Variants in LRRC49 observed in about 807,000 individuals in gnomAD.
The protein encoded by LRRC49 is leucine-rich repeat-containing protein 49.
A neutral mutation model predicts 83.3 loss-of-function variants in LRRC49; 50 were observed. The ratio of observed to expected loss-of-function variants is 0.60; its 90% CI spans 0.48 to 0.76. The LOEUF (loss-of-function observed/expected upper bound fraction) is 0.76, where lower values mean the gene tolerates loss of function less well. LRRC49 is among the 30% of genes least tolerant of loss of function. The probability of loss-of-function intolerance (pLI) is 0.00; values close to 1 mark genes in which losing one functional copy is unlikely to be tolerated. For synonymous variants in LRRC49, 286 were observed against 283.3 expected, an observed-to-expected ratio of 1.01 and a Z score of -0.10; for missense variants, 704 against 809.1, an observed-to-expected ratio of 0.87 and a Z score of 1.58.
intron 14 of LRRC49, among the ~76,000 whole-genome samples, chr15:71,036,186 GTTGT>G (rs546902773): frequency 1.2e-4 from 19 of 152,040 alleles, no homozygotes; most frequent in Non-Finnish European, 2.5e-4. Flanking sequence ...TTTTGATGGG[GTTGT>G]TTGTTTTTTT....
chr15:71,027,759 A>G (rs1282088614), intron 14 of LRRC49, among the ~76,000 whole-genome samples: 1 of 152,212 alleles, frequency 6.6e-6, no homozygotes, highest in Admixed American at 6.5e-5. Flanking sequence ...TTGTTGGTGT[A>G]TAGGAATGCC....
At chr15:70,945,430 T>G (rs2035971722) in intron 8 of LRRC49, among the ~76,000 whole-genome samples, 3 of 152,110 alleles carry the variant, frequency 2.0e-5, no homozygotes, top group African/African-American at 4.8e-5. Context: ...GTCATGATTG[T>G]ATATCATCTC....
At chr15:70,994,425 A>G (rs2038007530) in intron 11 of LRRC49, among the ~76,000 whole-genome samples, 1 of 151,988 alleles carries the variant, frequency 6.6e-6, no homozygotes, top group Non-Finnish European at 1.5e-5. Context: ...TGTTCTTTTC[A>G]AGTTTCAATT....
chr15:70,926,629 T>C (rs2035210569), intron 7 of LRRC49, among the ~76,000 whole-genome samples: 1 of 152,170 alleles, frequency 6.6e-6, no homozygotes, highest in East Asian at 1.9e-4. Flanking sequence ...TAACTTGTCA[T>C]TTAATATTAG....
At chr15:70,993,465 T>G (rs750169182) in intron 11 of LRRC49, among the ~76,000 whole-genome samples, 11 of 152,194 alleles carry the variant, frequency 7.2e-5, no homozygotes, top group African/African-American at 2.4e-4. Flanking sequence ...ACCTGTCTTC[T>G]GCACTCACGC....
chr15:70,886,485 G>A (rs924178042), intron 2 of LRRC49, among the ~76,000 whole-genome samples: 1 of 152,148 alleles, frequency 6.6e-6, no homozygotes, highest in Non-Finnish European at 1.5e-5. Context: ...AAAAGCAGAG[G>A]AAGGGAATAA....
chr15:70,996,155 A>G (rs1436772665), intron 11 of LRRC49, among the ~76,000 whole-genome samples: 1 of 152,152 alleles, frequency 6.6e-6, no homozygotes, highest in Admixed American at 6.5e-5. Context: ...GAAGATATTT[A>G]TATATGAAGG....
At chr15:70,899,507 G>A (rs918110977) in intron 3 of LRRC49, among the ~76,000 whole-genome samples, 15 of 152,074 alleles carry the variant, frequency 9.9e-5, no homozygotes, top group African/African-American at 3.6e-4. Context: ...TGGTGAATAT[G>A]ATGTCAATTC....
intron 8 of LRRC49, among the ~76,000 whole-genome samples, chr15:70,956,867 A>G (rs1327641662): frequency 6.6e-6 from 1 of 152,180 alleles, no homozygotes; most frequent in South Asian, 2.1e-4. Flanking sequence ...CTTCAGTCTG[A>G]GTGTCAACAG....
intron 1 of LRRC49, among the ~76,000 whole-genome samples, chr15:70,866,378 C>T (rs889121758): frequency 1.3e-5 from 2 of 152,082 alleles, no homozygotes; most frequent in African/African-American, 4.8e-5. Flanking sequence ...ATCTCTTGAT[C>T]TCGTGATCCG....
intron 9 of LRRC49, among the ~76,000 whole-genome samples, chr15:70,968,214 A>G (rs2036861993): frequency 6.6e-6 from 1 of 151,992 alleles, no homozygotes; most frequent in African/African-American, 2.4e-5. Context: ...TTAAACTCCC[A>G]TTATGAATGA....
At chr15:71,023,170 C>T (rs1253363073) in intron 14 of LRRC49, among the ~76,000 whole-genome samples, 1 of 152,042 alleles carries the variant, frequency 6.6e-6, no homozygotes, top group Non-Finnish European at 1.5e-5. Context: ...TGGAAACAGC[C>T]TTGCAATGGG....
chr15:71,023,726 A>AGC (rs745624246), intron 14 of LRRC49, among the ~76,000 whole-genome samples: 2 of 152,208 alleles, frequency 1.3e-5, no homozygotes, highest in East Asian at 1.9e-4. Flanking sequence ...CCCCCTTATG[A>AGC]GCCCATGCCA....
rs1366258430 is a variant in LRRC49 at position 71,052,078 on chromosome 15, G to T, written c.*2466G>T. 1.3e-5 allele frequency: 2 copies of T among 152,176 alleles called. No homozygotes were observed. The highest frequency in any genetic ancestry group is 3.9e-4 in the East Asian group (2 of 5,180). 9.4% of individuals were successfully genotyped at this position (152,176 alleles called of 1,614,324 possible). On this transcript the variant is annotated 3_prime_UTR_variant, in exon 16 of 16. Transcript: ENST00000260382. ...AGTTCCTTGGTGAAGATAATCCCCA[G>T]ATAAAAAGACAAGGAGACCTGGGTC...
intron 1 of LRRC49, among the ~76,000 whole-genome samples, chr15:70,869,573 T>C (rs1450197844): frequency 1.3e-5 from 2 of 152,134 alleles, no homozygotes; most frequent in Non-Finnish European, 2.9e-5. Flanking sequence ...TTTTAGGCTG[T>C]GTGCAAGCAG....
chr15:70,855,532 G>C (rs1032389675), intron 1 of LRRC49, among the ~76,000 whole-genome samples: 1 of 152,132 alleles, frequency 6.6e-6, no homozygotes, highest in Non-Finnish European at 1.5e-5. Context: ...AGACAAGTTA[G>C]GATAGGCTTA....
intron 4 of LRRC49, among the ~76,000 whole-genome samples, chr15:70,904,106 A>G (rs1378429286): frequency 6.6e-6 from 1 of 151,978 alleles, no homozygotes; most frequent in East Asian, 1.9e-4. Context: ...AGAGTCTATG[A>G]TTCTCTGAGA....
At chr15:70,875,372 A>G (rs546732366) in intron 2 of LRRC49, among the ~76,000 whole-genome samples, 2 of 152,364 alleles carry the variant, frequency 1.3e-5, no homozygotes, top group South Asian at 4.1e-4. Context: ...TTGATGGGTT[A>G]TAAGTCATAT....
intron 1 of LRRC49, among the ~76,000 whole-genome samples, chr15:70,871,885 G>T (rs1019334692): frequency 2.6e-5 from 4 of 151,414 alleles, no homozygotes; most frequent in African/African-American, 9.7e-5. Flanking sequence ...GATGGTGGCC[G>T]GGAAGAGGCG....
Sources: gnomAD v4.1 joint callset for allele counts (sites outside exome capture counted in the v4.1 genomes callset) on GRCh38, gnomAD v4.1.1 for gene constraint, MANE v1.5 for transcripts, NCBI Gene and HGNC (gene_info 2026-07-23, HGNC 2026-07-21) for gene names.